DOCK5: variants seen among roughly 807,000 people sequenced by gnomAD.
The protein encoded by DOCK5 is dedicator of cytokinesis protein 5.
Under a neutral mutation model 251.8 loss-of-function variants are expected in DOCK5, and 142 were observed. That is an observed-to-expected ratio of 0.56 (90% confidence interval 0.49 to 0.65). The LOEUF is 0.65. DOCK5 is among the 30% of genes least tolerant of loss of function. The pLI is 0.00. For synonymous variants in DOCK5, 842 were observed against 835.5 expected, an observed-to-expected ratio of 1.01 and a Z score of -0.13; for missense variants, 2,111 against 2,312.3, an observed-to-expected ratio of 0.91 and a Z score of 1.79.
chr8:25,277,454 A>G (rs115516067), intron 4 of DOCK5: 2,961 of 152,416 alleles, frequency 0.019, 83 homozygotes, highest in African/African-American at 0.065. Flanking sequence ...GGAAGGGCCC[A>G]CCAAGAGCAC....
chr8:25,275,249 G>A (rs1586286378), intron 3 of DOCK5, 137 bp from the exon 4 acceptor site: 3 of 607,740 alleles, frequency 4.9e-6, no homozygotes, highest in African/African-American at 3.9e-5. Flanking sequence ...CGTAAGTGGT[G>A]TCCTGCCAAC....
chr8:25,365,970 C>T (rs1164469504), intron 30 of DOCK5, among the ~76,000 whole-genome samples: 2 of 152,160 alleles, frequency 1.3e-5, no homozygotes, highest in Admixed American at 6.5e-5. Flanking sequence ...TGGAATTGAG[C>T]TGTGCAGTTC....
At chr8:25,222,095 T>A (rs1366494632) in intron 1 of DOCK5, among the ~76,000 whole-genome samples, 1 of 152,168 alleles carries the variant, frequency 6.6e-6, no homozygotes, top group Non-Finnish European at 1.5e-5. Context: ...CTGTTTTCTG[T>A]GAAGGAAAAA....
chr8:25,334,013 G>A (rs1586337725), intron 20 of DOCK5, 83 bp from the exon 21 acceptor site: 1 of 964,188 alleles, frequency 1.0e-6, no homozygotes, highest in Non-Finnish European at 1.7e-6. Flanking sequence ...AGGAAAGAAG[G>A]CACCGAGATG....
rs879845090 is a variant in DOCK5, at chr8:25,306,693, G to GA, written c.1050-2081dup. On this transcript the variant is annotated intron_variant, in intron 11 of 51. Transcript: ENST00000276440. ...TCGGCGACAGAGCGAGACTCCGTCTGAAAAAAAAATAAATAAATAAAATAA... is the reference window on the plus strand; with the variant it reads ...TCGGCGACAGAGCGAGACTCCGTCTGAAAAAAAAAATAAATAAATAAAATAA... 5.3e-3 allele frequency among the ~76,000 whole-genome samples: 779 copies of GA among 145,740 alleles called. 6 individuals are homozygous for GA. Among genetic ancestry groups the GA allele is most frequent in the Middle Eastern group, 0.021 (6 of 286 alleles).
At chr8:25,356,910 TATATATATATATA>T (rs1800584527) in intron 27 of DOCK5, among the ~76,000 whole-genome samples, 1 of 830 alleles carries the variant, frequency 1.2e-3, no homozygotes, top group African/African-American at 2.1e-3. Context: ...ATGAAGATTA[TATATATATATATA>T]TATATATATA....
At position 25,351,156 on chromosome 8, in the gene DOCK5, C is replaced by G. The variant is rs375297200; in HGVS notation, c.2755-575C>G. Among the ~76,000 whole-genome samples the G allele has an allele frequency of 2.0e-4, 30 of 152,248 alleles. No homozygotes were observed. In the East Asian group the frequency reaches 3.7e-3, roughly 19 times the overall value. The stretch of plus-strand genomic sequence containing the variant: ...CACTGCAAGCTCCACCTCCTGGGTT[C>G]CCGCCATTCTCCTGCCTCAGCCTCC... On this transcript the variant is annotated intron_variant, in intron 26 of 51. Transcript: ENST00000276440.
chr8:25,362,452 C>CTTTTTT (rs1563216376), intron 28 of DOCK5, among the ~76,000 whole-genome samples: 6 of 107,112 alleles, frequency 5.6e-5, no homozygotes, highest in East Asian at 2.8e-4. Flanking sequence ...CTTTTCTTTT[C>CTTTTTT]TTTTCTTTTC....
At chr8:25,284,914 G>A (rs1335715604) in intron 5 of DOCK5, among the ~76,000 whole-genome samples, 2 of 152,150 alleles carry the variant, frequency 1.3e-5, no homozygotes, top group Admixed American at 6.6e-5. Context: ...AAATTCTAAG[G>A]TGTTTGGATG....
At chr8:25,368,389 G>A (rs1800815820) in intron 32 of DOCK5, 139 bp downstream of exon 32, 1 of 1,083,544 alleles carries the variant, frequency 9.2e-7, no homozygotes, top group African/African-American at 1.6e-5. Context: ...TTGATTTGTG[G>A]GTTTCATTGA....
intron 2 of DOCK5, among the ~76,000 whole-genome samples, chr8:25,265,943 C>A (rs1803733905): frequency 6.6e-6 from 1 of 151,784 alleles, no homozygotes; most frequent in African/African-American, 2.4e-5. Context: ...TTAGAGCAAT[C>A]CCAAGAAAGC....
intron 1 of DOCK5, among the ~76,000 whole-genome samples, chr8:25,229,230 G>A (rs997884115): frequency 6.6e-6 from 1 of 151,986 alleles, no homozygotes; most frequent in Non-Finnish European, 1.5e-5. Context: ...GTCTGTAATC[G>A]CAGCACTTTG....
In DOCK5 at chr8:25,411,612, G is replaced by A. The variant is rs1245980016; in HGVS notation, c.*314G>A. On this transcript the variant is annotated 3_prime_UTR_variant, in exon 52 of 52. Coordinates refer to ENST00000276440, the MANE Select transcript of DOCK5 (RefSeq NM_024940.8). ...GGCAGAGACATGGTGGTCTGCACAA[G>A]CCTGGACAAGTTCTTCCATATTGAT... 8.3e-6 allele frequency: 2 copies of A among 241,344 alleles called. No individual in the cohort carries two copies. The highest frequency in any genetic ancestry group is 2.2e-5 in the African/African-American group (1 of 44,790). The allele number at this position is 241,344 out of a possible 1,614,324, so 15.0% of individuals were successfully genotyped here. A position where few individuals can be genotyped will look rare whatever the true frequency, so the allele number is the denominator to read the frequency against.
At chr8:25,372,533 T>A in intron 34 of DOCK5, 26 bp from the exon 35 acceptor site, 1 of 1,550,838 alleles carries the variant, frequency 6.4e-7, no homozygotes, top group South Asian at 1.3e-5. Flanking sequence ...GAACCTGGGC[T>A]TTTGTCTCTC....
At chr8:25,329,763 C>T (rs930370422) in intron 18 of DOCK5, among the ~76,000 whole-genome samples, 1 of 152,106 alleles carries the variant, frequency 6.6e-6, no homozygotes, top group Non-Finnish European at 1.5e-5. Context: ...AGACAACCCA[C>T]GTGTTTATCA....
chr8:25,365,933 A>T (rs1800767143), intron 30 of DOCK5, among the ~76,000 whole-genome samples: 1 of 152,214 alleles, frequency 6.6e-6, no homozygotes. Context: ...TATATATTGT[A>T]TGTATGTGTA....
chr8:25,266,980 T>A (rs1041143059), intron 2 of DOCK5, among the ~76,000 whole-genome samples: 1 of 152,200 alleles, frequency 6.6e-6, no homozygotes, highest in Non-Finnish European at 1.5e-5. Flanking sequence ...ACAGCTTGGC[T>A]TTATAGGGCA....
intron 1 of DOCK5, among the ~76,000 whole-genome samples, chr8:25,224,003 A>G (rs1187261523): frequency 6.6e-6 from 1 of 152,258 alleles, no homozygotes; most frequent in Non-Finnish European, 1.5e-5. Flanking sequence ...GAACAAGGCT[A>G]AATTGCACTC....
In DOCK5 at chr8:25,218,921, AG is replaced by A. The variant is rs577755769; in HGVS notation, c.44-24751del. Among the ~76,000 whole-genome samples the A allele has an allele frequency of 1.1e-4, 16 of 152,360 alleles. No individual in the cohort carries two copies. In the East Asian group the frequency reaches 3.1e-3, roughly 29 times the overall value. On this transcript the variant is annotated intron_variant, in intron 1 of 51. Coordinates refer to ENST00000276440, the MANE Select transcript of DOCK5 (RefSeq NM_024940.8). ...TTTTAAAAATCCAAGGAGCACTAAC[AG>A]GCTTATAATGTATCAAGTAACACTT...
Sources: gnomAD v4.1 joint callset for allele counts (sites outside exome capture counted in the v4.1 genomes callset) on GRCh38, gnomAD v4.1.1 for gene constraint, MANE v1.5 for transcripts, NCBI Gene and HGNC (gene_info 2026-07-23, HGNC 2026-07-21) for gene names.